DOK5: variants seen among roughly 807,000 people sequenced by gnomAD.
DOK5 encodes docking protein 5.
A neutral mutation model predicts 43.3 loss-of-function variants in DOK5; 27 were observed. The ratio of observed to expected loss-of-function variants is 0.62; its 90% CI spans 0.46 to 0.86. The LOEUF is 0.86. Ranked by LOEUF, DOK5 falls within the 40% of genes least tolerant of loss-of-function variation. DOK5 has a pLI of 0.00. For missense variants in DOK5, 373 were observed against 392.9 expected (o/e 0.95, Z 0.43); for synonymous variants, 146 against 140.1 (o/e 1.04, Z -0.30).
At chr20:54,570,675 G>T (rs2146747272) in intron 2 of DOK5, among the ~76,000 whole-genome samples, 1 of 152,130 alleles carries the variant, frequency 6.6e-6, no homozygotes, top group East Asian at 1.9e-4. Context: ...TGACTTTGCA[G>T]CATGTCAGAA....
chr20:54,559,044 A>G (rs1002953388), intron 2 of DOK5, among the ~76,000 whole-genome samples: 5 of 152,160 alleles, frequency 3.3e-5, no homozygotes, highest in African/African-American at 1.2e-4. Context: ...GATGGCTGCA[A>G]ATTTGATTAA....
chr20:54,602,036 A>G (rs904820743), intron 5 of DOK5, among the ~76,000 whole-genome samples: 1 of 151,884 alleles, frequency 6.6e-6, no homozygotes, highest in African/African-American at 2.4e-5. Context: ...TTGCTTCCCT[A>G]CTGCTGTTCT....
At chr20:54,488,198 A>G (rs1982017825) in intron 1 of DOK5, among the ~76,000 whole-genome samples, 1 of 152,226 alleles carries the variant, frequency 6.6e-6, no homozygotes, top group Non-Finnish European at 1.5e-5. Flanking sequence ...GTTATCACGA[A>G]CGTAGTCTAG....
At chr20:54,605,069 G>A (rs1986430637) in intron 5 of DOK5, among the ~76,000 whole-genome samples, 1 of 145,874 alleles carries the variant, frequency 6.9e-6, no homozygotes, top group Non-Finnish European at 1.5e-5. Flanking sequence ...ACACGTTGAG[G>A]TCAAAATGTG....
At chr20:54,477,617 C>T (rs1029100002) in intron 1 of DOK5, among the ~76,000 whole-genome samples, 41 of 151,008 alleles carry the variant, frequency 2.7e-4, no homozygotes, top group African/African-American at 9.8e-4. Flanking sequence ...ATAGGCTGGC[C>T]AAGTGTTACA....
At chr20:54,479,069 A>G (rs1981556307) in intron 1 of DOK5, among the ~76,000 whole-genome samples, 1 of 152,062 alleles carries the variant, frequency 6.6e-6, no homozygotes, top group African/African-American at 2.4e-5. Flanking sequence ...TAATATACGT[A>G]TATTTATATA....
At chr20:54,542,843 G>A (rs1028741691) in intron 1 of DOK5, among the ~76,000 whole-genome samples, 1 of 152,152 alleles carries the variant, frequency 6.6e-6, no homozygotes, top group East Asian at 1.9e-4. Flanking sequence ...TTAGGTAAAG[G>A]AGCAATGTGT....
intron 1 of DOK5, among the ~76,000 whole-genome samples, chr20:54,534,115 G>C (rs570642710): frequency 1.3e-5 from 2 of 152,278 alleles, no homozygotes. Flanking sequence ...ATTCGTTTTT[G>C]ATCAAACCTT....
intron 5 of DOK5, among the ~76,000 whole-genome samples, chr20:54,604,635 T>G (rs1986407486): frequency 6.6e-6 from 1 of 152,174 alleles, no homozygotes; most frequent in Non-Finnish European, 1.5e-5. Flanking sequence ...ATAACGTAAT[T>G]GTAAATGTAA....
At chr20:54,638,122 GAA>G (rs35374729) in intron 6 of DOK5, among the ~76,000 whole-genome samples, 1 of 130,116 alleles carries the variant, frequency 7.7e-6, no homozygotes. Context: ...ACTCTGTCTC[GAA>G]AAAAAAAAAA....
At chr20:54,516,395 G>A (rs530654740) in intron 1 of DOK5, among the ~76,000 whole-genome samples, 1 of 152,358 alleles carries the variant, frequency 6.6e-6, no homozygotes, top group South Asian at 2.1e-4. Flanking sequence ...TATGTATTCT[G>A]TAGCTCTGCC....
intron 1 of DOK5, among the ~76,000 whole-genome samples, chr20:54,530,949 G>A (rs977320522): frequency 1.3e-4 from 20 of 152,154 alleles, no homozygotes; most frequent in African/African-American, 4.3e-4. Flanking sequence ...TATATTATGA[G>A]GAACACTCTT....
chr20:54,627,318 G>A (rs1461395227), intron 6 of DOK5, among the ~76,000 whole-genome samples: 1 of 152,200 alleles, frequency 6.6e-6, no homozygotes, highest in African/African-American at 2.4e-5. Context: ...CTCGGGAGTA[G>A]GATTGCTGAA....
chr20:54,533,402 G>A (rs189155541), intron 1 of DOK5, among the ~76,000 whole-genome samples: 1 of 152,082 alleles, frequency 6.6e-6, no homozygotes, highest in African/African-American at 2.4e-5. Flanking sequence ...TTATGAACTG[G>A]ATGATGTATT....
intron 1 of DOK5, among the ~76,000 whole-genome samples, chr20:54,504,670 T>C (rs1982740104): frequency 6.6e-6 from 1 of 152,192 alleles, no homozygotes; most frequent in African/African-American, 2.4e-5. Flanking sequence ...TTCTGCTTCT[T>C]AAACGAATGA....
chr20:54,649,772 T>C (rs898223423), intron 7 of DOK5, among the ~76,000 whole-genome samples: 2 of 152,226 alleles, frequency 1.3e-5, no homozygotes, highest in Non-Finnish European at 2.9e-5. Flanking sequence ...TCATTACATA[T>C]TAACTGTGGC....
At chr20:54,527,915 TACAC>T (rs1983632964) in intron 1 of DOK5, among the ~76,000 whole-genome samples, 1 of 152,194 alleles carries the variant, frequency 6.6e-6, no homozygotes, top group Non-Finnish European at 1.5e-5. Flanking sequence ...TTTTTAAAAA[TACAC>T]ACATATACTG....
chr20:54,481,624 C>T (rs1398347197), intron 1 of DOK5, among the ~76,000 whole-genome samples: 1 of 152,186 alleles, frequency 6.6e-6, no homozygotes, highest in African/African-American at 2.4e-5. Context: ...ACTTGTTTCT[C>T]TCTTCTTTAA....
chr20:54,582,161 G>A (rs564842044), intron 2 of DOK5, among the ~76,000 whole-genome samples: 1 of 151,686 alleles, frequency 6.6e-6, no homozygotes, highest in Non-Finnish European at 1.5e-5. Context: ...TGTTAATGTG[G>A]TGTATCCATC....
Sources: allele counts gnomAD v4.1 joint callset (sites outside exome capture counted in the v4.1 genomes callset), GRCh38; gene constraint gnomAD v4.1.1; transcripts MANE v1.5; gene names NCBI Gene and HGNC (gene_info 2026-07-23, HGNC 2026-07-21).